ZNF141: variants seen among roughly 807,000 people sequenced by gnomAD.
ZNF141 encodes the protein zinc finger protein 141.
ZNF141 carries 7 observed loss-of-function variants against 11.3 expected under a neutral mutation model. The ratio of observed to expected loss-of-function variants is 0.62; its 90% CI spans 0.35 to 1.16. The LOEUF (loss-of-function observed/expected upper bound fraction) is 1.16, where lower values mean the gene tolerates loss of function less well. ZNF141 is among the 50% of genes most tolerant of loss of function. The probability of loss-of-function intolerance (pLI) is 0.02; values close to 1 mark genes in which losing one functional copy is unlikely to be tolerated. For synonymous variants in ZNF141, 183 were observed against 190.7 expected, an observed-to-expected ratio of 0.96 and a Z score of 0.33; for missense variants, 535 against 554.0, an observed-to-expected ratio of 0.97 and a Z score of 0.34.
intron 1 of ZNF141, among the ~76,000 whole-genome samples, chr4:343,284 A>C (rs1721144544): frequency 6.6e-6 from 1 of 151,768 alleles, no homozygotes; most frequent in Non-Finnish European, 1.5e-5. Context: ...AGCAACAGAA[A>C]CTCTTGGAAT....
At chr4:343,667 G>C in intron 1 of ZNF141, 115 bp from the exon 2 acceptor site, 1 of 1,216,030 alleles carries the variant, frequency 8.2e-7, no homozygotes, top group Non-Finnish European at 1.1e-6. Flanking sequence ...GGAGCTTGCA[G>C]TGAGCCGAGA....
At chr4:370,357 A>C (rs963599290) in intron 3 of ZNF141, among the ~76,000 whole-genome samples, 6 of 151,874 alleles carry the variant, frequency 4.0e-5, no homozygotes, top group Non-Finnish European at 8.8e-5. Flanking sequence ...TTTTTCTTGC[A>C]TCCTGTTATT....
At chr4:338,269 C>T in intron 1 of ZNF141, 1 of 402,410 alleles carries the variant, frequency 2.5e-6, no homozygotes, top group Non-Finnish European at 4.6e-6. Flanking sequence ...GCGGCGTGCG[C>T]GATGCCGGCG....
chr4:366,137 A>C (rs1267008216), intron 3 of ZNF141, among the ~76,000 whole-genome samples: 1 of 152,110 alleles, frequency 6.6e-6, no homozygotes, highest in African/African-American at 2.4e-5. Context: ...GTCCTGGTTA[A>C]TTTTAAGCTT....
At chr4:355,079 AT>A (rs1182854887) in intron 3 of ZNF141, among the ~76,000 whole-genome samples, 2 of 152,030 alleles carry the variant, frequency 1.3e-5, no homozygotes, top group African/African-American at 4.8e-5. Context: ...GTGTGCTCCA[AT>A]ATTGGATACA....
intron 3 of ZNF141, among the ~76,000 whole-genome samples, chr4:370,816 C>T (rs964743708): frequency 1.3e-5 from 2 of 151,918 alleles, no homozygotes; most frequent in Admixed American, 6.6e-5. Context: ...CTGCAAGCTC[C>T]GCCTCCCAGG....
At chr4:351,055 C>G (rs1469541679) in intron 3 of ZNF141, among the ~76,000 whole-genome samples, 2 of 150,768 alleles carry the variant, frequency 1.3e-5, no homozygotes, top group African/African-American at 4.9e-5. Context: ...GGCCTGAGAT[C>G]TTATTTTTTA....
At chr4:350,808 C>T (rs150823305) in intron 3 of ZNF141, among the ~76,000 whole-genome samples, 167 of 152,102 alleles carry the variant, frequency 1.1e-3, no homozygotes, top group African/African-American at 3.8e-3. Context: ...GGCATGATCT[C>T]GGCTCACCGC....
chr4:362,679 G>A (rs193078677), intron 3 of ZNF141, among the ~76,000 whole-genome samples: 2 of 152,180 alleles, frequency 1.3e-5, no homozygotes, highest in African/African-American at 4.8e-5. Flanking sequence ...TCAAAGATCA[G>A]ATGGTTGTAG....
chr4:344,378 A>G lies in ZNF141; in HGVS notation c.174A>G (p.Gln58=). 6.2e-7 allele frequency: 1 copy of G among 1,609,054 alleles called. No homozygotes were observed. Residue 58 remains glutamine (Q), a synonymous_variant, in exon 3 of 4, where the codon CAA becomes CAG. Coordinates refer to ENST00000240499, the MANE Select transcript of ZNF141 (RefSeq NM_003441.4). ...SNPDLVTCLE[Q]RKEPYNVKIH... ...CAGACCTGGTCACCTGTCTGGAGCA[A>G]AGAAAAGAGCCCTACAATGTGAAGA...
chr4:346,608 T>C (rs568338777), intron 3 of ZNF141, among the ~76,000 whole-genome samples: 1 of 152,316 alleles, frequency 6.6e-6, no homozygotes, highest in Admixed American at 6.5e-5. Flanking sequence ...AAATTTGTGC[T>C]CTTGAACAAC....
At chr4:350,176 A>C (rs374497670) in intron 3 of ZNF141, 1 of 534,686 alleles carries the variant, frequency 1.9e-6, no homozygotes, top group African/African-American at 1.9e-5. Flanking sequence ...GACCAAGCTC[A>C]GTGTGCCATT....
rs782755762 is a variant in ZNF141, at chr4:372,902, T to C, written c.465T>C (p.Ser155=). The C allele has an allele frequency of 1.2e-6, 2 of 1,613,678 alleles. No homozygotes were observed. Among genetic ancestry groups the C allele is most frequent in the Non-Finnish European group, 1.7e-6 (2 of 1,179,724 alleles). ...GTAAAGCAAGTGTCAAAGTTGTTAG[T>C]AAATTTTCAAATTCAAACAAACGTA... ...LQCKASVKVV[S]KFSNSNKRKT... is the part of the protein sequence containing the mutation. Residue 155 remains serine, a synonymous_variant, in exon 4 of 4, where the codon AGT becomes AGC. Transcript: ENST00000240499.
chr4:355,428 A>G (rs531573878), intron 3 of ZNF141, among the ~76,000 whole-genome samples: 1 of 151,738 alleles, frequency 6.6e-6, no homozygotes, highest in Non-Finnish European at 1.5e-5. Context: ...CTGGTCTCGA[A>G]CTCCTGATTG....
Position 373,794 on chromosome 4 carries a change from T to C in ZNF141, c.1357T>C (p.Cys453Arg). 8.1e-6 allele frequency: 13 copies of C among 1,614,054 alleles called. No individual in the cohort carries two copies. Among genetic ancestry groups the C allele is most frequent in the Non-Finnish European group, 1.1e-5 (13 of 1,179,946 alleles). ...KIHTVDKPYK[C>R]KDCDKAFKRF... is the part of the protein sequence containing the mutation. ...TCATACTGTAGATAAACCCTACAAATGTAAAGATTGTGACAAAGCCTTTAA... is the reference window on the plus strand; with the variant it reads ...TCATACTGTAGATAAACCCTACAAACGTAAAGATTGTGACAAAGCCTTTAA... Residue 453 changes from cysteine (C) to arginine (R), a missense_variant, in exon 4 of 4, where the codon TGT becomes CGT. Cys to Arg is a radical substitution (Grantham distance 180). Coordinates refer to ENST00000240499, the MANE Select transcript of ZNF141 (RefSeq NM_003441.4).
chr4:369,680 C>G (rs1381401352), intron 3 of ZNF141, among the ~76,000 whole-genome samples: 1 of 121,056 alleles, frequency 8.3e-6, no homozygotes, highest in Non-Finnish European at 1.7e-5. Flanking sequence ...ACTTCTTATA[C>G]TTTTGTGTAT....
chr4:361,835 C>G (rs1271185639), intron 3 of ZNF141, among the ~76,000 whole-genome samples: 1 of 152,198 alleles, frequency 6.6e-6, no homozygotes, highest in Non-Finnish European at 1.5e-5. Flanking sequence ...CCGCAGTAAA[C>G]ATACATGTGC....
chr4:379,714 A>T lies in ZNF141; in HGVS notation c.*5852A>T. Among the ~76,000 whole-genome samples the T allele has an allele frequency of 6.6e-6, 1 of 152,300 alleles. No homozygotes were observed. The highest frequency in any genetic ancestry group is 2.4e-5 in the African/African-American group (1 of 41,564). On this transcript the variant is annotated 3_prime_UTR_variant, in exon 4 of 4. Transcript: ENST00000240499. ...TACAAAAACAGCACAAAAACTATAT[A>T]TTTTTTATAATACTCAAGTTGTTTG...
chr4:347,071 C>T (rs1721364232), intron 3 of ZNF141, among the ~76,000 whole-genome samples: 1 of 142,158 alleles, frequency 7.0e-6, no homozygotes, highest in African/African-American at 2.7e-5. Flanking sequence ...GAGTTTCACT[C>T]TTGTTGCCCA....
Sources: gnomAD v4.1 joint callset for allele counts (sites outside exome capture counted in the v4.1 genomes callset) on GRCh38, gnomAD v4.1.1 for gene constraint, MANE v1.5 for transcripts, NCBI Gene and HGNC (gene_info 2026-07-23, HGNC 2026-07-21) for gene names.